SERHL2: variants seen among roughly 807,000 people sequenced by gnomAD.
SERHL2 encodes the protein serine hydrolase-like protein 2.
Under a neutral mutation model 25.5 loss-of-function variants are expected in SERHL2, and 29 were observed. That is an observed-to-expected ratio of 1.14 (90% CI 0.85 to 1.55). The LOEUF (loss-of-function observed/expected upper bound fraction) is 1.55. SERHL2 is among the 40% of genes most tolerant of loss of function. The pLI is 0.00. For synonymous variants in SERHL2, 95 were observed against 103.5 expected (o/e 0.92, Z 0.50); for missense variants, 240 against 252.3 (o/e 0.95, Z 0.33).
chr22:42,564,008 G>A (rs1160248094), intron 8 of SERHL2, among the ~76,000 whole-genome samples: 1 of 151,832 alleles, frequency 6.6e-6, no homozygotes, highest in Non-Finnish European at 1.5e-5. Flanking sequence ...GGAGGTGGAG[G>A]TTGCAGTGAG....
At chr22:42,573,131 CT>C (rs1172775519) in intron 11 of SERHL2, 1 of 151,868 alleles carries the variant, frequency 6.6e-6, no homozygotes. Flanking sequence ...CCCGGGAACA[CT>C]GACCCTGGGG....
chr22:42,566,211 G>T, intron 8 of SERHL2, 93 bp from the exon 9 acceptor site: 1 of 1,296,434 alleles, frequency 7.7e-7, no homozygotes. Flanking sequence ...GGCCCTGGCT[G>T]CAAAGGCCTG....
intron 8 of SERHL2, among the ~76,000 whole-genome samples, chr22:42,561,303 C>G (rs1037434779): frequency 6.6e-6 from 1 of 151,888 alleles, no homozygotes; most frequent in African/African-American, 2.4e-5. Flanking sequence ...AACTTTGCTT[C>G]CTGACACTGC....
At chr22:42,567,313 G>C (rs2146724850) in intron 9 of SERHL2, among the ~76,000 whole-genome samples, 1 of 152,082 alleles carries the variant, frequency 6.6e-6, no homozygotes, top group East Asian at 1.9e-4. Context: ...TTGTTCTTGA[G>C]CATGGTGTCA....
At chr22:42,566,359 G>T in intron 9 of SERHL2, 21 bp downstream of exon 9, 1 of 1,610,048 alleles carries the variant, frequency 6.2e-7, no homozygotes, top group Non-Finnish European at 8.5e-7. Context: ...CTGCCTCCGG[G>T]TCCCCCGCCA....
intron 10 of SERHL2, 83 bp from the exon 11 acceptor site, chr22:42,572,353 C>G (rs1924343531): frequency 9.9e-7 from 1 of 1,013,478 alleles, no homozygotes; most frequent in African/African-American, 1.6e-5. Context: ...TCCTCAGAGG[C>G]CTGAACCCAG....
rs537339272 is a variant in SERHL2 at position 42,566,044 on chromosome 22, G to A, written c.614-260G>A. Among the ~76,000 whole-genome samples, 9 of 152,142 alleles carry A rather than the reference G, an allele frequency of 5.9e-5. No individual in the cohort carries two copies. In the East Asian group the frequency reaches 9.6e-4, roughly 16 times the overall value. ...CACGAGGCTATTAGCCTAAGCTCCC[G>A]CCCTCATTCTGCACCGGCCCTTTGG... is the stretch of plus-strand genomic sequence containing the variant. On this transcript the variant is annotated intron_variant, in intron 8 of 11. Coordinates refer to ENST00000327678, the MANE Select transcript of SERHL2 (RefSeq NM_014509.5).
chr22:42,570,569 C>G (rs1286466964), intron 9 of SERHL2, among the ~76,000 whole-genome samples: 1 of 152,206 alleles, frequency 6.6e-6, no homozygotes, highest in South Asian at 2.1e-4. Flanking sequence ...CTCACTCAAG[C>G]TGGCCACATC....
At chr22:42,561,397 C>T (rs944226174) in intron 8 of SERHL2, among the ~76,000 whole-genome samples, 12 of 150,980 alleles carry the variant, frequency 7.9e-5, no homozygotes, top group Admixed American at 7.3e-4. Flanking sequence ...GGGTTTTTTG[C>T]GCTCATTGGA....
rs144576575 is a variant in SERHL2 at position 42,573,485 on chromosome 22, C to T, written c.826-451C>T. ...CTCTTGATCTCCTGACCTCGTGATC[C>T]GCCCACCTTGGCCTCCCGCCTGCCT... On this transcript the variant is annotated intron_variant, in intron 11 of 11. Transcript: ENST00000327678. 7.8e-3 allele frequency: 1,278 copies of T among 164,526 alleles called. 12 individuals carry two copies. The highest frequency in any genetic ancestry group is 0.021 in the African/African-American group (877 of 41,632). 10.2% of individuals were successfully genotyped at this position (164,526 alleles called of 1,614,324 possible).
At chr22:42,568,535 G>A (rs750974411) in intron 9 of SERHL2, among the ~76,000 whole-genome samples, 1 of 151,960 alleles carries the variant, frequency 6.6e-6, no homozygotes, top group East Asian at 1.9e-4. Context: ...TGGGAGCTGT[G>A]ATCACCCATA....
chr22:42,563,453 C>T, intron 8 of SERHL2: 1 of 443,902 alleles, frequency 2.3e-6, no homozygotes, highest in Non-Finnish European at 4.5e-6. Flanking sequence ...ATCCTACTGA[C>T]TCGACCTCCC....
intron 1 of SERHL2, among the ~76,000 whole-genome samples, chr22:42,554,347 G>A (rs952691989): frequency 2.0e-5 from 3 of 152,080 alleles, no homozygotes; most frequent in Non-Finnish European, 4.4e-5. Flanking sequence ...ATGTGGGGGC[G>A]GTGGGGGTTC....
rs112896738 is a variant in SERHL2 at position 42,568,622 on chromosome 22, A to C, written c.648+2284A>C. The stretch of plus-strand genomic sequence containing the variant: ...AACTAAATTGCAGAAGATACACATT[A>C]CAAAATGGAGCTGGCCCAAAATTCT... On this transcript the variant is annotated intron_variant, in intron 9 of 11. Transcript: ENST00000327678. 6.4e-4 allele frequency among the ~76,000 whole-genome samples: 98 copies of C among 152,100 alleles called. 1 individual carries two copies. Among genetic ancestry groups the C allele is most frequent in the African/African-American group, 2.3e-3 (96 of 41,572 alleles).
intron 8 of SERHL2, chr22:42,563,325 T>C (rs1569277473): frequency 1.0e-5 from 3 of 297,846 alleles, no homozygotes; most frequent in Non-Finnish European, 2.1e-5. Flanking sequence ...TACCTCAGCC[T>C]CTTGAGTAGC....
intron 7 of SERHL2, among the ~76,000 whole-genome samples, chr22:42,558,890 CCT>C (rs1255594219): frequency 1.9e-3 from 10 of 5,384 alleles, no homozygotes; most frequent in African/African-American, 0.013. Context: ...CCTATTGATT[CCT>C]CTGTTTCCCG....
intron 1 of SERHL2, 64 bp downstream of exon 1, chr22:42,554,106 A>T (rs1921932402): frequency 6.3e-7 from 1 of 1,581,814 alleles, no homozygotes; most frequent in South Asian, 1.1e-5. Context: ...ACAGTAGAAG[A>T]GGGCGGGATG....
intron 8 of SERHL2, among the ~76,000 whole-genome samples, chr22:42,562,579 G>A (rs930768926): frequency 4.6e-5 from 7 of 151,950 alleles, no homozygotes; most frequent in African/African-American, 1.7e-4. Flanking sequence ...CATTGTTGGA[G>A]AGGCTGCAGC....
intron 9 of SERHL2, chr22:42,569,592 A>G (rs780453843): frequency 6.6e-6 from 1 of 151,872 alleles, no homozygotes. Flanking sequence ...GACAGGGTCA[A>G]GTTTGCCTGT....
Sources: gnomAD v4.1 joint callset for allele counts (sites outside exome capture counted in the v4.1 genomes callset) on GRCh38, gnomAD v4.1.1 for gene constraint, MANE v1.5 for transcripts, NCBI Gene and HGNC (gene_info 2026-07-23, HGNC 2026-07-21) for gene names.